The following RGS6 variants were observed in gnomAD, a reference collection of about 807,000 sequenced individuals.
RGS6 encodes regulator of G protein signaling 6.
RGS6 carries 30 observed loss-of-function variants against 78.5 expected under a neutral mutation model. The ratio of observed to expected loss-of-function variants is 0.38; its 90% confidence interval spans 0.29 to 0.52. The LOEUF is 0.52. Ranked by LOEUF, RGS6 falls within the 20% of genes least tolerant of loss-of-function variation. RGS6 has a pLI of 0.85. For missense variants in RGS6, 495 were observed against 609.7 expected (o/e 0.81, Z 1.98); for synonymous variants, 206 against 206.0 (o/e 1.00, Z 0.00).
At chr14:72,435,673 C>T (rs1197959725) in intron 3 of RGS6, among the ~76,000 whole-genome samples, 1 of 151,974 alleles carries the variant, frequency 6.6e-6, no homozygotes, top group Admixed American at 6.6e-5. Context: ...TTTCTTGTCT[C>T]GTGGCCCTTT....
At chr14:72,623,577 T>C in the RGS6 span, among the ~76,000 whole-genome samples, 14 of 152,324 alleles carry the variant, frequency 9.2e-5, no homozygotes, top group African/African-American at 3.4e-4. Context: ...ATCAAATGAG[T>C]AATTATGTTG....
intron 2 of RGS6, among the ~76,000 whole-genome samples, chr14:72,100,663 C>T (rs1334171388): frequency 2.0e-5 from 3 of 152,142 alleles, no homozygotes; most frequent in Admixed American, 6.5e-5. Context: ...CGTAGTTTTC[C>T]CAGCTTACTC....
At chr14:72,480,191 C>G (rs2096341552) in intron 12 of RGS6, among the ~76,000 whole-genome samples, 1 of 152,160 alleles carries the variant, frequency 6.6e-6, no homozygotes, top group Non-Finnish European at 1.5e-5. Context: ...TCCGGTGAAG[C>G]CATTGCCTGC....
chr14:72,205,997 C>T (rs1299891985), intron 2 of RGS6, among the ~76,000 whole-genome samples: 2 of 152,254 alleles, frequency 1.3e-5, no homozygotes, highest in Non-Finnish European at 2.9e-5. Flanking sequence ...TTTGGCCCAG[C>T]AACTCTACTT....
intron 2 of RGS6, among the ~76,000 whole-genome samples, chr14:72,185,203 C>G (rs781664382): frequency 6.6e-6 from 1 of 152,074 alleles, no homozygotes; most frequent in African/African-American, 2.4e-5. Flanking sequence ...GCTGTGCTGG[C>G]AGTTGATTAG....
Position 72,333,374 on chromosome 14 carries a change from G to A in RGS6, c.85-18721G>A, listed in dbSNP as rs570283023. ...TCACTGGGCAGGACAGCCAGCCCAG[G>A]GAAAGATGAGGGAAGTGGGGGACCT... On this transcript the variant is annotated intron_variant, in intron 2 of 17. Coordinates refer to ENST00000553525, the MANE Select transcript of RGS6 (RefSeq NM_001204424.2). 3.9e-5 allele frequency among the ~76,000 whole-genome samples: 6 copies of A among 152,270 alleles called. No homozygotes were observed. The East Asian group carries it at 1.2e-3, about 29-fold the overall frequency.
the RGS6 span, among the ~76,000 whole-genome samples, chr14:71,884,364 T>A: frequency 2.0e-5 from 3 of 152,182 alleles, no homozygotes; most frequent in Non-Finnish European, 4.4e-5. Context: ...AAGCACAAAG[T>A]GTCTTAAGCC....
intron 3 of RGS6, among the ~76,000 whole-genome samples, chr14:72,399,585 G>A (rs1596842263): frequency 6.6e-6 from 1 of 152,124 alleles, no homozygotes; most frequent in African/African-American, 2.4e-5. Flanking sequence ...GATGTTAGCT[G>A]GTTATTTTGC....
chr14:72,452,676 C>T (rs2095526431), intron 3 of RGS6, among the ~76,000 whole-genome samples: 1 of 152,204 alleles, frequency 6.6e-6, no homozygotes, highest in African/African-American at 2.4e-5. Context: ...GCCTCAGACC[C>T]ACGGTAGGAC....
intron 13 of RGS6, among the ~76,000 whole-genome samples, chr14:72,495,598 G>A (rs537297460): frequency 2.0e-5 from 3 of 152,176 alleles, no homozygotes; most frequent in African/African-American, 4.8e-5. Flanking sequence ...TAGCTGGCAC[G>A]TATTCTGCAT....
At chr14:72,590,873 A>G in the RGS6 span, among the ~76,000 whole-genome samples, 1 of 152,240 alleles carries the variant, frequency 6.6e-6, no homozygotes, top group Non-Finnish European at 1.5e-5. Context: ...GTCTCTGAGG[A>G]TCAGGACTGG....
intron 13 of RGS6, among the ~76,000 whole-genome samples, chr14:72,504,858 A>G (rs1003844011): frequency 2.0e-5 from 3 of 149,176 alleles, no homozygotes; most frequent in South Asian, 2.1e-4. Context: ...GGTTCAAGCA[A>G]TTCTCCTTCC....
intron 3 of RGS6, among the ~76,000 whole-genome samples, chr14:72,431,551 T>C (rs2094640085): frequency 6.6e-6 from 1 of 151,650 alleles, no homozygotes; most frequent in African/African-American, 2.4e-5. Flanking sequence ...TTTATTTTAT[T>C]TTATTTTATT....
chr14:72,169,395 T>C (rs1347039799), intron 2 of RGS6, among the ~76,000 whole-genome samples: 1 of 152,236 alleles, frequency 6.6e-6, no homozygotes. Context: ...AGAGAGTCCC[T>C]TATGACTCCC....
At position 72,563,843 on chromosome 14, in the gene RGS6, A is replaced by G. The variant is rs1262686400; in HGVS notation, c.*1376A>G. On this transcript the variant is annotated 3_prime_UTR_variant, in exon 18 of 18. Coordinates refer to ENST00000553525, the MANE Select transcript of RGS6 (RefSeq NM_001204424.2). Reference sequence around the variant, plus strand: ...TAAGTAACCTGTTTTGAATCCAGACATTCACTCCCCCACTTGCTATGACTA... The same window carrying G: ...TAAGTAACCTGTTTTGAATCCAGACGTTCACTCCCCCACTTGCTATGACTA... The G allele has an allele frequency of 6.6e-6, 1 of 151,940 alleles. No individual in the cohort carries two copies. Among genetic ancestry groups the G allele is most frequent in the Admixed American group, 6.6e-5 (1 of 15,254 alleles). The allele number at this position is 151,940 out of a possible 1,614,324, so 9.4% of individuals were successfully genotyped here. A position where few individuals can be genotyped will look rare whatever the true frequency, so the allele number is the denominator to read the frequency against.
In RGS6 at chr14:72,562,665, G is replaced by A. The variant is rs1003100597; in HGVS notation, c.*198G>A. ...AGAAAGAAAGAGTCCACAGAGCCTG[G>A]GCTGGGCCCGGTGGAGGCTCCTGTT... On this transcript the variant is annotated 3_prime_UTR_variant, in exon 18 of 18. Coordinates refer to ENST00000553525, the MANE Select transcript of RGS6 (RefSeq NM_001204424.2). 7 of 1,536,034 alleles carry A rather than the reference G, an allele frequency of 4.6e-6. No individual in the cohort carries two copies. In the African/African-American group the frequency reaches 5.5e-5, roughly 12 times the overall value.
chr14:72,572,436 T>C, the RGS6 span, among the ~76,000 whole-genome samples: 1 of 152,220 alleles, frequency 6.6e-6, no homozygotes, highest in Non-Finnish European at 1.5e-5. Flanking sequence ...AAATGTGACG[T>C]ATTCATACCA....
intron 2 of RGS6, among the ~76,000 whole-genome samples, chr14:72,202,229 A>T (rs2041725868): frequency 6.6e-6 from 1 of 152,204 alleles, no homozygotes; most frequent in Non-Finnish European, 1.5e-5. Context: ...TCACCAACGG[A>T]AAGAAATATT....
chr14:72,170,826 T>C (rs1367206032), intron 2 of RGS6, among the ~76,000 whole-genome samples: 1 of 152,082 alleles, frequency 6.6e-6, no homozygotes, highest in Non-Finnish European at 1.5e-5. Flanking sequence ...TGGGAGAGAT[T>C]TACTGATTTA....
Sources: allele counts gnomAD v4.1 joint callset (sites outside exome capture counted in the v4.1 genomes callset), GRCh38; gene constraint gnomAD v4.1.1; transcripts MANE v1.5; gene names NCBI Gene and HGNC (gene_info 2026-07-23, HGNC 2026-07-21).